Variants in CDC42 observed in about 807,000 individuals in gnomAD.
CDC42 encodes cell division control protein 42 homolog.
CDC42 carries 1 observed loss-of-function variant against 20.8 expected under a neutral mutation model. That is an observed-to-expected ratio of 0.05 (90% CI 0.02 to 0.23). CDC42 has a LOEUF of 0.23. Ranked by LOEUF, CDC42 falls within the 10% of genes least tolerant of loss-of-function variation. The pLI is 1.00. For missense variants in CDC42, 49 were observed against 227.9 expected, an observed-to-expected ratio of 0.21 and a Z score of 5.05; for synonymous variants, 72 against 84.8, an observed-to-expected ratio of 0.85 and a Z score of 0.83.
chr1:22,090,342 A>C, intron 5 of CDC42: 2 of 1,070,336 alleles, frequency 1.9e-6, no homozygotes, highest in Non-Finnish European at 2.3e-6. Flanking sequence ...TCTTGGAGAA[A>C]ATAACAAGAG....
At chr1:22,071,049 T>TC (rs1024197533) in intron 1 of CDC42, among the ~76,000 whole-genome samples, 4 of 140,186 alleles carry the variant, frequency 2.9e-5, no homozygotes, top group African/African-American at 1.1e-4. Flanking sequence ...TTTCTTTCTT[T>TC]TTTTTTTTTT....
chr1:22,071,272 C>A (rs1161358369), intron 1 of CDC42, among the ~76,000 whole-genome samples: 2 of 151,706 alleles, frequency 1.3e-5, no homozygotes, highest in Non-Finnish European at 2.9e-5. Context: ...TCTCGATCTC[C>A]TGACCTCGTG....
In CDC42 at chr1:22,098,140, G is replaced by A. The variant is rs1173036877; in HGVS notation, c.*6623G>A. 6.6e-6 allele frequency among the ~76,000 whole-genome samples: 1 copy of A among 152,126 alleles called. No homozygotes were observed. Among genetic ancestry groups the A allele is most frequent in the Non-Finnish European group, 1.5e-5 (1 of 68,030 alleles). On this transcript the variant is annotated 3_prime_UTR_variant, in exon 6 of 6. Coordinates refer to ENST00000656825, the MANE Select transcript of CDC42 (RefSeq NM_001791.4). ...TAGGATTTACTCTCAATCTTTAGGG[G>A]TAGAGACTAGGAGCCTACATTTTGA...
chr1:22,100,319 A>C lies in CDC42; in HGVS notation c.*8802A>C, dbSNP rs1025788060. On this transcript the variant is annotated 3_prime_UTR_variant, in exon 6 of 6. Transcript: ENST00000656825. ...TAGTGATTTCACTTGACCTCAGTAC[A>C]ACTCTGTAAAAGAGGCAGGGATGGA... is the stretch of plus-strand genomic sequence containing the variant. Among the ~76,000 whole-genome samples, 1 of 152,146 alleles carries C rather than the reference A, an allele frequency of 6.6e-6. No homozygotes were observed. The highest frequency in any genetic ancestry group is 1.5e-5 in the Non-Finnish European group (1 of 68,028).
intron 1 of CDC42, among the ~76,000 whole-genome samples, chr1:22,069,567 TC>T (rs1645461142): frequency 6.6e-6 from 1 of 150,982 alleles, no homozygotes; most frequent in East Asian, 1.9e-4. Flanking sequence ...AGGTGGTTTC[TC>T]CCCTCAGCCT....
Position 22,092,203 on chromosome 1 carries a change from C to G in CDC42, c.*686C>G, listed in dbSNP as rs2124057039. On this transcript the variant is annotated 3_prime_UTR_variant, in exon 6 of 6. Transcript: ENST00000656825. ...AGTAGATCCAGTATTTGATGAAACT[C>G]ATGAAAGTGGGTGGAGCCCATCTTG... is the stretch of plus-strand genomic sequence containing the variant. The G allele has an allele frequency of 1.3e-5, 2 of 152,666 alleles. 1 individual carries two copies. Among genetic ancestry groups the G allele is most frequent in the South Asian group, 4.1e-4 (2 of 4,820 alleles). The allele number at this position is 152,666 out of a possible 1,614,324, so 9.5% of individuals were successfully genotyped here.
chr1:22,064,317 A>G (rs1392413081), intron 1 of CDC42: 2 of 18,670 alleles, frequency 1.1e-4, no homozygotes, highest in Admixed American at 1.4e-3. Flanking sequence ...TTTGAGATAG[A>G]GTCTCGCTCT....
intron 1 of CDC42, among the ~76,000 whole-genome samples, chr1:22,061,460 A>G (rs1449161336): frequency 6.7e-6 from 1 of 149,702 alleles, no homozygotes; most frequent in African/African-American, 2.4e-5. Flanking sequence ...CCTGGAAATC[A>G]TAATGTATAT....
rs1343800495 is a variant in CDC42 at position 22,096,456 on chromosome 1, G to A, written c.*4939G>A. Among the ~76,000 whole-genome samples, 1 of 152,146 alleles carries A rather than the reference G, an allele frequency of 6.6e-6. No individual in the cohort carries two copies. Among genetic ancestry groups the A allele is most frequent in the African/African-American group, 2.4e-5 (1 of 41,430 alleles). On this transcript the variant is annotated 3_prime_UTR_variant, in exon 6 of 6. Transcript: ENST00000656825. ...TTTCCACTTTGCATTGCTCCCAAGA[G>A]AGTAATGTAAAAGTTTTATCTGTGC...
intron 1 of CDC42, among the ~76,000 whole-genome samples, chr1:22,067,032 C>T (rs1197406468): frequency 1.3e-5 from 2 of 152,166 alleles, no homozygotes; most frequent in South Asian, 2.1e-4. Context: ...CAAAAAAGAC[C>T]TGAAGGCAGG....
chr1:22,091,279 T>C (rs1002633781), intron 5 of CDC42, 149 bp from the exon 6 acceptor site: 2 of 582,454 alleles, frequency 3.4e-6, no homozygotes, highest in Non-Finnish European at 6.3e-6. Context: ...CAAATCTTGG[T>C]GAAGTGAGAT....
At chr1:22,070,312 A>G (rs1300024657) in intron 1 of CDC42, among the ~76,000 whole-genome samples, 1 of 152,172 alleles carries the variant, frequency 6.6e-6, no homozygotes, top group Non-Finnish European at 1.5e-5. Flanking sequence ...AATTTAGCCT[A>G]AATATTTGCC....
At chr1:22,062,988 A>G (rs1013401433) in intron 1 of CDC42, among the ~76,000 whole-genome samples, 1 of 152,118 alleles carries the variant, frequency 6.6e-6, no homozygotes, top group African/African-American at 2.4e-5. Flanking sequence ...TGTCTTTGGC[A>G]GCCCACCTTG....
intron 1 of CDC42, among the ~76,000 whole-genome samples, chr1:22,064,867 G>T (rs941115331): frequency 3.9e-5 from 6 of 152,122 alleles, no homozygotes; most frequent in Admixed American, 1.3e-4. Flanking sequence ...AGTAGAGACA[G>T]GGTTTCACCA....
chr1:22,074,762 T>A (rs1250521530), intron 1 of CDC42, among the ~76,000 whole-genome samples: 1 of 152,114 alleles, frequency 6.6e-6, no homozygotes, highest in East Asian at 1.9e-4. Context: ...TAAATCTCAC[T>A]TGGCTTTATT....
chr1:22,097,822 T>G lies in CDC42; in HGVS notation c.*6305T>G, dbSNP rs1302275870. Reference sequence around the variant, plus strand: ...GAAGGTTTAAAAGCACATTGCTGATTAGTGGGGTCAGGATGGGAGGAGAGC... The same window carrying G: ...GAAGGTTTAAAAGCACATTGCTGATGAGTGGGGTCAGGATGGGAGGAGAGC... On this transcript the variant is annotated 3_prime_UTR_variant, in exon 6 of 6. Transcript: ENST00000656825. 6.6e-6 allele frequency among the ~76,000 whole-genome samples: 1 copy of G among 152,200 alleles called. No homozygotes were observed. The highest frequency in any genetic ancestry group is 1.5e-5 in the Non-Finnish European group (1 of 68,034).
In CDC42 at chr1:22,092,191, T is replaced by A. The variant is rs1645725294; in HGVS notation, c.*674T>A. 1.3e-5 allele frequency: 2 copies of A among 152,718 alleles called. No individual in the cohort carries two copies. Among genetic ancestry groups the A allele is most frequent in the African/African-American group, 4.8e-5 (2 of 41,546 alleles). 9.5% of individuals were successfully genotyped at this position (152,718 alleles called of 1,614,324 possible). A position where few individuals can be genotyped will look rare whatever the true frequency, so the allele number is the denominator to read the frequency against. ...TCTCCACCCTTGAGTAGATCCAGTA[T>A]TTGATGAAACTCATGAAAGTGGGTG... On this transcript the variant is annotated 3_prime_UTR_variant, in exon 6 of 6. Coordinates refer to ENST00000656825, the MANE Select transcript of CDC42 (RefSeq NM_001791.4).
At chr1:22,057,096 T>G (rs16826253) in intron 1 of CDC42, among the ~76,000 whole-genome samples, 328 of 152,330 alleles carry the variant, frequency 2.2e-3, no homozygotes, top group African/African-American at 6.8e-3. Flanking sequence ...CTGCCACTTA[T>G]TAGGTATGTG....
At chr1:22,054,975 A>G (rs1179886529) in intron 1 of CDC42, among the ~76,000 whole-genome samples, 2 of 82,154 alleles carry the variant, frequency 2.4e-5, no homozygotes, top group African/African-American at 4.8e-5. Flanking sequence ...TTTTTTTGAG[A>G]AGGAGTCTCG....
Sources: allele counts gnomAD v4.1 joint callset (sites outside exome capture counted in the v4.1 genomes callset), GRCh38; gene constraint gnomAD v4.1.1; transcripts MANE v1.5; gene names NCBI Gene and HGNC (gene_info 2026-07-23, HGNC 2026-07-21).